Variants in PTPRD observed in about 807,000 individuals in gnomAD.
PTPRD encodes receptor-type tyrosine-protein phosphatase delta.
In PTPRD, 34 loss-of-function variants were observed where a neutral mutation model predicts 214.5. The ratio of observed to expected loss-of-function variants is 0.16; its 90% confidence interval spans 0.12 to 0.21. PTPRD has a LOEUF of 0.21. Among genes scored for constraint, PTPRD ranks in the 10% least tolerant of loss-of-function variants. The probability of loss-of-function intolerance (pLI) is 1.00; values close to 1 mark genes in which losing one functional copy is unlikely to be tolerated. For synonymous variants in PTPRD, 1,128 were observed against 845.7 expected (o/e 1.33, Z -5.79); for missense variants, 2,545 against 2,398.7 (o/e 1.06, Z -1.27).
intron 3 of PTPRD, among the ~76,000 whole-genome samples, chr9:10,305,327 C>T (rs1366763831): frequency 1.4e-5 from 2 of 147,450 alleles, no homozygotes; most frequent in Non-Finnish European, 3.0e-5. Flanking sequence ...TAGGCAATAC[C>T]ATTCAGGACA....
chr9:8,860,169 T>C (rs1415579310), intron 11 of PTPRD: 1 of 152,226 alleles, frequency 6.6e-6, no homozygotes, highest in Non-Finnish European at 1.5e-5. Flanking sequence ...ACCCCTAATA[T>C]TCCTTTGCTG....
At chr9:9,887,555 G>A (rs2071436541) in intron 5 of PTPRD, among the ~76,000 whole-genome samples, 1 of 152,166 alleles carries the variant, frequency 6.6e-6, no homozygotes, top group African/African-American at 2.4e-5. Flanking sequence ...AACATTAGAT[G>A]TTAAACTTCC....
intron 11 of PTPRD, among the ~76,000 whole-genome samples, chr9:8,846,707 T>C (rs1601727700): frequency 6.6e-6 from 1 of 152,118 alleles, no homozygotes; most frequent in Non-Finnish European, 1.5e-5. Flanking sequence ...TACTTTAGTA[T>C]GGCTCAAGTG....
chr9:9,012,918 A>G (rs541549371), intron 11 of PTPRD, among the ~76,000 whole-genome samples: 2 of 152,264 alleles, frequency 1.3e-5, no homozygotes, highest in Admixed American at 6.5e-5. Context: ...TCTATATCCA[A>G]TTTATACCAG....
chr9:10,261,861 G>A (rs1025149927), intron 3 of PTPRD, among the ~76,000 whole-genome samples: 2 of 152,160 alleles, frequency 1.3e-5, no homozygotes, highest in East Asian at 3.9e-4. Flanking sequence ...GAAGCCTTAA[G>A]GTATACTAGT....
At chr9:9,067,792 A>G (rs1001989039) in intron 10 of PTPRD, among the ~76,000 whole-genome samples, 2 of 152,180 alleles carry the variant, frequency 1.3e-5, no homozygotes, top group South Asian at 2.1e-4. Context: ...AATACAATCT[A>G]TTGATCTTGT....
chr9:8,897,518 T>G (rs1322005592), intron 11 of PTPRD, among the ~76,000 whole-genome samples: 2 of 152,206 alleles, frequency 1.3e-5, no homozygotes, highest in Admixed American at 6.5e-5. Flanking sequence ...ATTTTGAACC[T>G]GGACCTAGAG....
chr9:9,809,548 G>A (rs2046498355), intron 5 of PTPRD, among the ~76,000 whole-genome samples: 2 of 152,288 alleles, frequency 1.3e-5, no homozygotes, highest in East Asian at 3.9e-4. Flanking sequence ...ACAGGCGTGA[G>A]CCACTGCTCC....
At chr9:10,518,736 G>A (rs948366733) in intron 2 of PTPRD, among the ~76,000 whole-genome samples, 4 of 151,886 alleles carry the variant, frequency 2.6e-5, no homozygotes, top group South Asian at 2.1e-4. Context: ...GTTTTACCGT[G>A]TTAGCCAAGA....
intron 2 of PTPRD, among the ~76,000 whole-genome samples, chr9:10,381,537 T>C (rs1346738161): frequency 1.3e-5 from 2 of 151,982 alleles, no homozygotes; most frequent in African/African-American, 4.8e-5. Flanking sequence ...AGAGTATCAT[T>C]TCCTTGACAT....
intron 14 of PTPRD, among the ~76,000 whole-genome samples, chr9:8,585,793 T>C (rs2093608178): frequency 6.6e-6 from 1 of 152,254 alleles, no homozygotes; most frequent in South Asian, 2.1e-4. Context: ...CTGATTTCTC[T>C]GCCTGTACTA....
At chr9:9,974,576 A>T (rs894621383) in intron 4 of PTPRD, among the ~76,000 whole-genome samples, 29 of 152,158 alleles carry the variant, frequency 1.9e-4, no homozygotes, top group African/African-American at 7.0e-4. Flanking sequence ...TTGAATCTAG[A>T]CCTAATTACC....
chr9:9,989,751 A>G (rs2095848813), intron 4 of PTPRD, among the ~76,000 whole-genome samples: 1 of 152,178 alleles, frequency 6.6e-6, no homozygotes, highest in South Asian at 2.1e-4. Context: ...GTGCACTGTG[A>G]CACACACCCG....
chr9:8,734,593 G>A (rs1364032940), intron 11 of PTPRD, among the ~76,000 whole-genome samples: 1 of 152,186 alleles, frequency 6.6e-6, no homozygotes, highest in Non-Finnish European at 1.5e-5. Context: ...TGCCTCCTGG[G>A]CAAGGGTTTA....
intron 11 of PTPRD, among the ~76,000 whole-genome samples, chr9:8,983,718 A>G (rs1377750373): frequency 6.6e-6 from 1 of 151,574 alleles, no homozygotes; most frequent in Non-Finnish European, 1.5e-5. Flanking sequence ...GGGTCTCATT[A>G]TGTTGCCAAG....
intron 27 of PTPRD, chr9:8,486,596 G>C: frequency 3.1e-6 from 2 of 639,612 alleles, no homozygotes; most frequent in Admixed American, 2.2e-5. Flanking sequence ...TGAAACAACA[G>C]CTTAAGGGGA....
chr9:9,562,377 C>T (rs1412556718), intron 8 of PTPRD, among the ~76,000 whole-genome samples: 4 of 152,156 alleles, frequency 2.6e-5, no homozygotes, highest in Admixed American at 6.5e-5. Flanking sequence ...ATTACGGTAG[C>T]CTTTAAAAAT....
In PTPRD at chr9:9,390,008, G is replaced by A. The variant is rs115986205; in HGVS notation, c.-203+7441C>T. 1.7e-3 allele frequency among the ~76,000 whole-genome samples: 257 copies of A among 152,302 alleles called. 2 individuals carry two copies. The highest frequency in any genetic ancestry group is 5.9e-3 in the African/African-American group (246 of 41,568). ...GCATTAAGTGGGATAAGAAGAGACA[G>A]AGGTGGGAGAAAAGCATTGCGGTAG... On this transcript the variant is annotated intron_variant, in intron 9 of 45. Transcript: ENST00000381196.
chr9:8,483,135 T>A (rs1247534929), intron 30 of PTPRD, among the ~76,000 whole-genome samples: 1 of 152,240 alleles, frequency 6.6e-6, no homozygotes, highest in South Asian at 2.1e-4. Flanking sequence ...TTCAACCAAC[T>A]AGCTATATGT....
Sources: allele counts gnomAD v4.1 joint callset (sites outside exome capture counted in the v4.1 genomes callset), GRCh38; gene constraint gnomAD v4.1.1; transcripts MANE v1.5; gene names NCBI Gene and HGNC (gene_info 2026-07-23, HGNC 2026-07-21).